Variants in OR9Q1 observed in about 807,000 individuals in gnomAD.
OR9Q1 encodes the protein olfactory receptor family 9 subfamily Q member 1.
For missense variants in OR9Q1, 374 were observed against 378.8 expected, an observed-to-expected ratio of 0.99 and a Z score of 0.11; for synonymous variants, 153 against 148.6, an observed-to-expected ratio of 1.03 and a Z score of -0.22.
At chr11:58,131,667 G>A (rs981954305) in intron 2 of OR9Q1, among the ~76,000 whole-genome samples, 4 of 151,962 alleles carry the variant, frequency 2.6e-5, no homozygotes, top group East Asian at 1.9e-4. Context: ...TCTCACCAGC[G>A]TTACGGCAAG....
chr11:58,136,585 A>C (rs1010264760), intron 2 of OR9Q1, among the ~76,000 whole-genome samples: 15 of 152,198 alleles, frequency 9.9e-5, no homozygotes, highest in Admixed American at 7.9e-4. Context: ...TCTATTGAGA[A>C]TTACAAATCA....
intron 2 of OR9Q1, among the ~76,000 whole-genome samples, chr11:58,161,979 A>G (rs1490959450): frequency 6.6e-6 from 1 of 152,226 alleles, no homozygotes; most frequent in Admixed American, 6.5e-5. Flanking sequence ...TCCTTAAAGC[A>G]TGTATAGAGC....
intron 2 of OR9Q1, among the ~76,000 whole-genome samples, chr11:58,104,688 G>A (rs139836946): frequency 3.9e-5 from 6 of 152,240 alleles, no homozygotes; most frequent in Non-Finnish European, 8.8e-5. Context: ...GCTCCTTTTA[G>A]TGAGGCAGGA....
chr11:58,031,140 T>G, intron 1 of OR9Q1: 4 of 1,614,244 alleles, frequency 2.5e-6, no homozygotes, highest in Non-Finnish European at 3.4e-6. Flanking sequence ...CCCATGTATT[T>G]CTTCCTGACA....
intron 2 of OR9Q1, among the ~76,000 whole-genome samples, chr11:58,093,938 A>T (rs1049673842): frequency 1.3e-5 from 2 of 152,126 alleles, no homozygotes; most frequent in African/African-American, 4.8e-5. Context: ...CAATCCCACT[A>T]CTGGATATCT....
chr11:58,131,296 G>A (rs1854138667), intron 2 of OR9Q1, among the ~76,000 whole-genome samples: 1 of 152,160 alleles, frequency 6.6e-6, no homozygotes. Flanking sequence ...TCTTCCTGGT[G>A]GACAGGACTG....
At chr11:58,037,711 T>C (rs1853121290) in intron 1 of OR9Q1, among the ~76,000 whole-genome samples, 2 of 24,238 alleles carry the variant, frequency 8.3e-5, no homozygotes, top group Non-Finnish European at 1.6e-4. Context: ...TTTTTTTTTT[T>C]TTTTTTTTTT....
At position 58,055,501 on chromosome 11, in the gene OR9Q1, T is replaced by C. The variant is rs538868650; in HGVS notation, c.-92-369T>C. On this transcript the variant is annotated intron_variant, in intron 1 of 2. Transcript: ENST00000335397. ...CCCTTATGAATGAATTAGTTCTTTGTAAAAGGGCTGGAGGAGGCTGGATGT... is the reference window on the plus strand; with the variant it reads ...CCCTTATGAATGAATTAGTTCTTTGCAAAAGGGCTGGAGGAGGCTGGATGT... Among the ~76,000 whole-genome samples, 41 of 152,196 alleles carry C rather than the reference T, an allele frequency of 2.7e-4. No homozygotes were observed. In the South Asian group the frequency reaches 3.1e-3, roughly 12 times the overall value.
intron 2 of OR9Q1, among the ~76,000 whole-genome samples, chr11:58,083,798 A>C (rs183480479): frequency 1.3e-5 from 2 of 151,760 alleles, no homozygotes; most frequent in South Asian, 4.1e-4. Flanking sequence ...TGGGTTCACT[A>C]TTCTGTTCCA....
At chr11:58,068,720 G>A (rs1316584608) in intron 2 of OR9Q1, among the ~76,000 whole-genome samples, 1 of 152,158 alleles carries the variant, frequency 6.6e-6, no homozygotes. Context: ...TGAATAATAA[G>A]AGGTGGTTAT....
chr11:58,053,655 A>ATATTATATATATATAAATTATATATG (rs1853297164), intron 1 of OR9Q1, among the ~76,000 whole-genome samples: 1 of 145,340 alleles, frequency 6.9e-6, no homozygotes, highest in Non-Finnish European at 1.5e-5. Flanking sequence ...AATTATATAT[A>ATATTATATATATATAAATTATATATG]TATAAAATAT....
At chr11:58,095,977 A>G (rs896145528) in intron 2 of OR9Q1, among the ~76,000 whole-genome samples, 1 of 152,252 alleles carries the variant, frequency 6.6e-6, no homozygotes, top group Non-Finnish European at 1.5e-5. Context: ...ACTGAAAGTT[A>G]CAAAACTAAT....
At chr11:58,085,435 A>T (rs1222342770) in intron 2 of OR9Q1, among the ~76,000 whole-genome samples, 2 of 151,818 alleles carry the variant, frequency 1.3e-5, no homozygotes, top group African/African-American at 4.9e-5. Context: ...TACTCTTTTA[A>T]CAAAATTTTA....
At chr11:58,148,949 T>C (rs1854324957) in intron 2 of OR9Q1, among the ~76,000 whole-genome samples, 1 of 152,188 alleles carries the variant, frequency 6.6e-6, no homozygotes, top group African/African-American at 2.4e-5. Flanking sequence ...CTCTCAGCTA[T>C]TTCCACTCAT....
chr11:58,067,795 G>A (rs1331198145), intron 2 of OR9Q1, among the ~76,000 whole-genome samples: 1 of 152,216 alleles, frequency 6.6e-6, no homozygotes, highest in Non-Finnish European at 1.5e-5. Flanking sequence ...GCAGTAAAAA[G>A]GACTCGAGTC....
chr11:58,030,240 C>A (rs1177559019), intron 1 of OR9Q1, among the ~76,000 whole-genome samples: 1 of 152,144 alleles, frequency 6.6e-6, no homozygotes, highest in African/African-American at 2.4e-5. Flanking sequence ...CTCCCTGTGA[C>A]CTTTAGACTG....
intron 2 of OR9Q1, among the ~76,000 whole-genome samples, chr11:58,177,037 A>G (rs1032871790): frequency 5.3e-5 from 8 of 152,164 alleles, no homozygotes; most frequent in African/African-American, 1.9e-4. Context: ...CACCAGATCC[A>G]ATTTCCTTTA....
intron 2 of OR9Q1, among the ~76,000 whole-genome samples, chr11:58,104,308 G>C (rs1422477957): frequency 6.6e-6 from 1 of 150,590 alleles, no homozygotes; most frequent in African/African-American, 2.4e-5. Flanking sequence ...AGAGGAAGAA[G>C]GATAAGAGAG....
At chr11:58,134,562 G>A (rs1041817515) in intron 2 of OR9Q1, among the ~76,000 whole-genome samples, 1 of 152,224 alleles carries the variant, frequency 6.6e-6, no homozygotes, top group Admixed American at 6.5e-5. Flanking sequence ...AGATGGGTCA[G>A]AGTGAGAAGG....
Sources: gnomAD v4.1 joint callset for allele counts (sites outside exome capture counted in the v4.1 genomes callset) on GRCh38, gnomAD v4.1.1 for gene constraint, MANE v1.5 for transcripts, NCBI Gene and HGNC (gene_info 2026-07-23, HGNC 2026-07-21) for gene names.